SHANK2: variants seen among roughly 807,000 people sequenced by gnomAD.
SHANK2 encodes the protein SH3 and multiple ankyrin repeat domains protein 2.
A neutral mutation model predicts 133.7 loss-of-function variants in SHANK2; 43 were observed. The observed-to-expected ratio is 0.32, with a 90% CI of 0.25 to 0.41. The LOEUF is 0.41. Ranked by LOEUF, SHANK2 falls within the 10% of genes least tolerant of loss-of-function variation. The pLI is 1.00. For missense variants in SHANK2, 1,994 were observed against 2,235.8 expected, an observed-to-expected ratio of 0.89 and a Z score of 2.18; for synonymous variants, 1,017 against 952.8, an observed-to-expected ratio of 1.07 and a Z score of -1.24.
At chr11:70,499,422 C>T (rs1358023931) in intron 21 of SHANK2, among the ~76,000 whole-genome samples, 2 of 152,198 alleles carry the variant, frequency 1.3e-5, no homozygotes, top group Non-Finnish European at 2.9e-5. Context: ...GGGCCAGGTC[C>T]CAGCAGGCCA....
chr11:70,672,219 A>G (rs1944826665), intron 15 of SHANK2, among the ~76,000 whole-genome samples: 1 of 151,892 alleles, frequency 6.6e-6, no homozygotes, highest in Non-Finnish European at 1.5e-5. Context: ...GCCCGCCACC[A>G]TGCCTGGCTA....
intron 2 of SHANK2, among the ~76,000 whole-genome samples, chr11:71,176,294 C>T (rs548593546): frequency 8.5e-5 from 13 of 152,278 alleles, no homozygotes; most frequent in South Asian, 6.2e-4. Flanking sequence ...CCAAAACACA[C>T]AGGTCCAACA....
chr11:70,649,473 T>C (rs1158579121), intron 17 of SHANK2, among the ~76,000 whole-genome samples: 3 of 152,154 alleles, frequency 2.0e-5, no homozygotes, highest in Non-Finnish European at 4.4e-5. Context: ...ACTCCATCAA[T>C]TAAAAGATCC....
At chr11:71,061,030 TG>T (rs1419278960) in intron 9 of SHANK2, among the ~76,000 whole-genome samples, 24 of 152,268 alleles carry the variant, frequency 1.6e-4, no homozygotes, top group Non-Finnish European at 2.9e-4. Context: ...CTTTCATTTC[TG>T]GGGTACAATT....
chr11:70,712,871 C>T (rs1278118741), intron 14 of SHANK2, among the ~76,000 whole-genome samples: 1 of 152,254 alleles, frequency 6.6e-6, no homozygotes, highest in Non-Finnish European at 1.5e-5. Context: ...CACCAACAAG[C>T]ACCCGAGTCC....
chr11:70,818,589 G>A (rs551489322), intron 12 of SHANK2, among the ~76,000 whole-genome samples: 3 of 152,234 alleles, frequency 2.0e-5, no homozygotes, highest in Admixed American at 6.5e-5. Context: ...TGGCTGCCTC[G>A]GGGGAGCCCT....
chr11:70,790,798 C>G (rs952738447), intron 14 of SHANK2, among the ~76,000 whole-genome samples: 1 of 152,320 alleles, frequency 6.6e-6, no homozygotes, highest in East Asian at 1.9e-4. Context: ...ACCACAGGTC[C>G]CAGCATCTGC....
At chr11:70,703,216 G>A (rs893793720) in intron 14 of SHANK2, among the ~76,000 whole-genome samples, 1 of 152,290 alleles carries the variant, frequency 6.6e-6, no homozygotes, top group African/African-American at 2.4e-5. Flanking sequence ...GCTCAGTAAC[G>A]TTGCTGTGTC....
intron 2 of SHANK2, among the ~76,000 whole-genome samples, chr11:71,154,209 G>T (rs782189887): frequency 6.6e-6 from 1 of 152,170 alleles, no homozygotes; most frequent in African/African-American, 2.4e-5. Context: ...CCCTGGTGCC[G>T]TTTACAGACA....
intron 1 of SHANK2, among the ~76,000 whole-genome samples, chr11:71,250,776 G>C (rs535107688): frequency 6.6e-6 from 1 of 152,098 alleles, no homozygotes; most frequent in South Asian, 2.1e-4. Context: ...GAATCTGCCA[G>C]GTCCTTTTCC....
At chr11:71,121,683 G>A (rs187068454) in intron 3 of SHANK2, among the ~76,000 whole-genome samples, 2 of 152,256 alleles carry the variant, frequency 1.3e-5, no homozygotes, top group Non-Finnish European at 2.9e-5. Context: ...TTCTTCTAGT[G>A]TTTTTATGGT....
At chr11:70,796,664 T>C (rs1947921722) in intron 14 of SHANK2, among the ~76,000 whole-genome samples, 1 of 152,230 alleles carries the variant, frequency 6.6e-6, no homozygotes, top group Non-Finnish European at 1.5e-5. Context: ...ATGGCAGGGC[T>C]TGGAGGTCTG....
At chr11:71,184,959 C>T (rs933111235) in intron 2 of SHANK2, among the ~76,000 whole-genome samples, 9 of 152,300 alleles carry the variant, frequency 5.9e-5, no homozygotes, top group South Asian at 4.1e-4. Context: ...CTGTTCCTGA[C>T]GCAGAGGCCA....
At chr11:71,169,754 CA>C (rs35339054) in intron 2 of SHANK2, among the ~76,000 whole-genome samples, 181 of 90,330 alleles carry the variant, frequency 2.0e-3, no homozygotes, top group African/African-American at 4.8e-3. Context: ...GACTCCATCT[CA>C]AAAAAAAAAA....
intron 11 of SHANK2, among the ~76,000 whole-genome samples, chr11:70,824,128 G>GGATGGAGGGTGCTGGCAGAGCTCACGGGA (rs1948600266): frequency 6.6e-6 from 1 of 150,996 alleles, no homozygotes; most frequent in African/African-American, 2.4e-5. Flanking sequence ...AGCTCATGGG[G>GGATGGAGGGTGCTGGCAGAGCTCACGGGA]GATGGAGGGT....
At chr11:70,728,716 C>G (rs973206037) in intron 14 of SHANK2, among the ~76,000 whole-genome samples, 3 of 152,194 alleles carry the variant, frequency 2.0e-5, no homozygotes, top group Admixed American at 6.5e-5. Flanking sequence ...ACTGTGTTAC[C>G]CCCAATTCAG....
intron 11 of SHANK2, among the ~76,000 whole-genome samples, chr11:70,828,529 G>T (rs568087146): frequency 1.3e-5 from 2 of 152,392 alleles, no homozygotes; most frequent in South Asian, 2.1e-4. Context: ...GAGCAAGGCT[G>T]AACAGCTTCC....
At chr11:70,511,174 C>G (rs2059200535) in intron 17 of SHANK2, among the ~76,000 whole-genome samples, 2 of 152,116 alleles carry the variant, frequency 1.3e-5, no homozygotes, top group African/African-American at 4.8e-5. Context: ...AAGAGTGGGG[C>G]AAAGGCACAT....
intron 10 of SHANK2, chr11:70,950,087 C>T (rs983818201): frequency 7.2e-5 from 33 of 456,438 alleles, no homozygotes; most frequent in African/African-American, 5.6e-4. Flanking sequence ...GATGGAGTTT[C>T]GCCCTGGTTA....
Sources: gnomAD v4.1 joint callset for allele counts (sites outside exome capture counted in the v4.1 genomes callset) on GRCh38, gnomAD v4.1.1 for gene constraint, MANE v1.5 for transcripts, NCBI Gene and HGNC (gene_info 2026-07-23, HGNC 2026-07-21) for gene names.